Variants in RAI14 observed in about 807,000 individuals in gnomAD.
RAI14 encodes retinoic acid induced 14.
In RAI14, 45 loss-of-function variants were observed where a neutral mutation model predicts 115.4. The observed-to-expected ratio is 0.39, with a 90% confidence interval of 0.31 to 0.50. The LOEUF (loss-of-function observed/expected upper bound fraction) is 0.50, where lower values mean the gene tolerates loss of function less well. RAI14 is among the 20% of genes least tolerant of loss of function. The pLI, the probability that RAI14 is intolerant of heterozygous loss-of-function variation, is 0.85. For synonymous variants in RAI14, 371 were observed against 415.4 expected (o/e 0.89, Z 1.30); for missense variants, 939 against 1,131.2 (o/e 0.83, Z 2.44).
chr5:34,700,483 C>T (rs114550290), intron 2 of RAI14, among the ~76,000 whole-genome samples: 5,465 of 152,266 alleles, frequency 0.036, 168 homozygotes, highest in Non-Finnish European at 0.057. Context: ...TCCTTGCTCT[C>T]CCTGCAGTTC....
chr5:34,774,945 G>T (rs1750652436), intron 3 of RAI14, among the ~76,000 whole-genome samples: 1 of 152,048 alleles, frequency 6.6e-6, no homozygotes, highest in Non-Finnish European at 1.5e-5. Flanking sequence ...GCGGAACAGA[G>T]AACCCAGAAA....
intron 4 of RAI14, among the ~76,000 whole-genome samples, chr5:34,801,493 A>AG (rs11451519): frequency 0.41 from 62,808 of 151,790 alleles, 13,451 homozygotes; most frequent in Admixed American, 0.53. Flanking sequence ...CCTGTAATCC[A>AG]CACTTTGGGA....
chr5:34,779,460 A>T (rs1464692032), intron 3 of RAI14, among the ~76,000 whole-genome samples: 1 of 152,232 alleles, frequency 6.6e-6, no homozygotes, highest in Non-Finnish European at 1.5e-5. Context: ...ACATGATTGT[A>T]TATCTAGAAA....
intron 2 of RAI14, among the ~76,000 whole-genome samples, chr5:34,740,742 A>G (rs1261726653): frequency 1.3e-5 from 2 of 152,180 alleles, no homozygotes; most frequent in Non-Finnish European, 2.9e-5. Context: ...GCTTTTAAAA[A>G]ATGCTGACCT....
chr5:34,783,070 A>G (rs1478329340), intron 3 of RAI14, among the ~76,000 whole-genome samples: 3 of 152,228 alleles, frequency 2.0e-5, no homozygotes, highest in Non-Finnish European at 4.4e-5. Flanking sequence ...GATTATATCC[A>G]GGCATTATTG....
At chr5:34,721,346 G>A (rs1456979540) in intron 2 of RAI14, among the ~76,000 whole-genome samples, 1 of 138,728 alleles carries the variant, frequency 7.2e-6, no homozygotes, top group African/African-American at 2.6e-5. Context: ...TATGTATATT[G>A]TATACATACA....
intron 2 of RAI14, among the ~76,000 whole-genome samples, chr5:34,737,924 A>G (rs941373906): frequency 6.6e-6 from 1 of 152,220 alleles, no homozygotes; most frequent in South Asian, 2.1e-4. Flanking sequence ...GAAAGCACAC[A>G]TTAGAAAACC....
chr5:34,668,205 C>A (rs1222654801), intron 1 of RAI14, among the ~76,000 whole-genome samples: 1 of 152,078 alleles, frequency 6.6e-6, no homozygotes, highest in African/African-American at 2.4e-5. Context: ...ACGAGCCTGG[C>A]CAACATGGTG....
At chr5:34,811,165 A>C (rs1319570789) in intron 8 of RAI14, 47 bp downstream of exon 8, 1 of 1,575,618 alleles carries the variant, frequency 6.3e-7, no homozygotes, top group Non-Finnish European at 8.7e-7. Flanking sequence ...TGATACCCAC[A>C]TTCTGAGAGT....
intron 2 of RAI14, among the ~76,000 whole-genome samples, chr5:34,714,229 T>C (rs1386562128): frequency 6.6e-6 from 1 of 152,278 alleles, no homozygotes; most frequent in Non-Finnish European, 1.5e-5. Flanking sequence ...TTCTAATTTT[T>C]TTCTGTTCAT....
chr5:34,776,925 T>C (rs1750928306), intron 3 of RAI14, among the ~76,000 whole-genome samples: 1 of 152,048 alleles, frequency 6.6e-6, no homozygotes, highest in African/African-American at 2.4e-5. Flanking sequence ...TCCCAGCACT[T>C]TGGGAAGCCG....
intron 1 of RAI14, among the ~76,000 whole-genome samples, chr5:34,667,937 C>A (rs1295950988): frequency 1.3e-5 from 2 of 152,178 alleles, no homozygotes; most frequent in Non-Finnish European, 2.9e-5. Context: ...CCCATGAAAG[C>A]TGACATATTG....
intron 1 of RAI14, among the ~76,000 whole-genome samples, chr5:34,663,368 T>G (rs1386083800): frequency 6.6e-6 from 1 of 151,818 alleles, no homozygotes; most frequent in Admixed American, 6.6e-5. Context: ...ATACAAAAAT[T>G]AGTTGGGCAT....
intron 2 of RAI14, among the ~76,000 whole-genome samples, chr5:34,695,789 G>C (rs1739152842): frequency 6.7e-6 from 1 of 148,816 alleles, no homozygotes; most frequent in African/African-American, 2.5e-5. Flanking sequence ...TGAAAGTAAA[G>C]CAGAAGCACT....
rs1744921614 is a variant in RAI14 at position 34,686,702 on chromosome 5, A to C, written c.-48-170A>C. On this transcript the variant is annotated intron_variant, in intron 1 of 17. Transcript: ENST00000265109. Reference sequence around the variant, plus strand: ...TAATTTGAAAATGTCAGAAGCTTCTAGGAAGTATATCGTAAGTGGAAATAT... The same window carrying C: ...TAATTTGAAAATGTCAGAAGCTTCTCGGAAGTATATCGTAAGTGGAAATAT... Among the ~76,000 whole-genome samples, 3 of 152,204 alleles carry C rather than the reference A, an allele frequency of 2.0e-5. 1 individual carries two copies. In the South Asian group the frequency reaches 6.2e-4, roughly 31 times the overall value.
intron 2 of RAI14, among the ~76,000 whole-genome samples, chr5:34,751,868 C>T (rs1442001653): frequency 1.3e-5 from 2 of 152,148 alleles, no homozygotes; most frequent in African/African-American, 2.4e-5. Flanking sequence ...TCCTTAATGC[C>T]TTGTGGAAGA....
At chr5:34,749,179 G>A (rs1476124313) in intron 2 of RAI14, among the ~76,000 whole-genome samples, 3 of 152,146 alleles carry the variant, frequency 2.0e-5, no homozygotes, top group African/African-American at 4.8e-5. Context: ...TCTCCTCACC[G>A]AAAACTGGAG....
At chr5:34,828,613 T>C (rs1198020767) in intron 16 of RAI14, among the ~76,000 whole-genome samples, 1 of 152,186 alleles carries the variant, frequency 6.6e-6, no homozygotes. Context: ...ATGGGTATTA[T>C]GGACTTTTGT....
chr5:34,671,154 G>A (rs1743591918), intron 1 of RAI14, among the ~76,000 whole-genome samples: 1 of 152,134 alleles, frequency 6.6e-6, no homozygotes, highest in Non-Finnish European at 1.5e-5. Flanking sequence ...AGCCCCATGG[G>A]TGCACCTTGT....
Sources: gnomAD v4.1 joint callset for allele counts (sites outside exome capture counted in the v4.1 genomes callset) on GRCh38, gnomAD v4.1.1 for gene constraint, MANE v1.5 for transcripts, NCBI Gene and HGNC (gene_info 2026-07-23, HGNC 2026-07-21) for gene names.